DCC: variants seen among roughly 807,000 people sequenced by gnomAD.
The protein encoded by DCC is netrin receptor DCC.
A neutral mutation model predicts 172.5 loss-of-function variants in DCC; 58 were observed. The ratio of observed to expected loss-of-function variants is 0.34; its 90% CI spans 0.27 to 0.42. The LOEUF (loss-of-function observed/expected upper bound fraction) is 0.42. Among genes scored for constraint, DCC ranks in the 10% least tolerant of loss-of-function variants. The pLI is 1.00. For synonymous variants in DCC, 709 were observed against 644.5 expected, an observed-to-expected ratio of 1.10 and a Z score of -1.52; for missense variants, 1,740 against 1,791.0, an observed-to-expected ratio of 0.97 and a Z score of 0.51.
chr18:52,722,581 T>G (rs1044876297), intron 1 of DCC, among the ~76,000 whole-genome samples: 9 of 152,246 alleles, frequency 5.9e-5, no homozygotes, highest in Non-Finnish European at 1.2e-4. Flanking sequence ...TACTTAAGTC[T>G]TCATCATCTG....
chr18:53,266,496 A>G (rs571238859), intron 12 of DCC, among the ~76,000 whole-genome samples: 17 of 152,310 alleles, frequency 1.1e-4, no homozygotes, highest in Admixed American at 7.2e-4. Flanking sequence ...ACTCAACCCA[A>G]TGCCTTTGAT....
At chr18:52,417,856 C>A (rs1426276446) in intron 1 of DCC, among the ~76,000 whole-genome samples, 1 of 152,186 alleles carries the variant, frequency 6.6e-6, no homozygotes, top group Non-Finnish European at 1.5e-5. Context: ...TCGTCTGAAG[C>A]CTTCTTCTCT....
At chr18:52,978,375 C>T (rs1025330517) in intron 5 of DCC, among the ~76,000 whole-genome samples, 2 of 152,120 alleles carry the variant, frequency 1.3e-5, no homozygotes, top group African/African-American at 4.8e-5. Flanking sequence ...AACAAACTGA[C>T]ACTCTGCAGG....
At chr18:52,748,770 C>T (rs1205553816) in intron 1 of DCC, among the ~76,000 whole-genome samples, 2 of 152,232 alleles carry the variant, frequency 1.3e-5, no homozygotes, top group Non-Finnish European at 2.9e-5. Flanking sequence ...AGTGACAGAA[C>T]ATCTCTGGGC....
intron 5 of DCC, among the ~76,000 whole-genome samples, chr18:52,946,378 C>T (rs944837066): frequency 2.0e-5 from 3 of 152,178 alleles, no homozygotes; most frequent in African/African-American, 7.2e-5. Flanking sequence ...GGTAGAGAAG[C>T]ATACTTCCTA....
chr18:53,388,376 C>T (rs951998445), intron 16 of DCC, among the ~76,000 whole-genome samples: 12 of 152,218 alleles, frequency 7.9e-5, no homozygotes, highest in Non-Finnish European at 4.4e-5. Flanking sequence ...TATCTCTAAG[C>T]TTCTGCAAAG....
chr18:53,096,158 TAATA>T (rs547099139), intron 7 of DCC, among the ~76,000 whole-genome samples: 9 of 151,802 alleles, frequency 5.9e-5, no homozygotes, highest in African/African-American at 9.7e-5. Flanking sequence ...AGTATAGTAA[TAATA>T]AATAAATAAA....
At chr18:53,277,955 G>C (rs1162051442) in intron 12 of DCC, among the ~76,000 whole-genome samples, 1 of 152,118 alleles carries the variant, frequency 6.6e-6, no homozygotes, top group Non-Finnish European at 1.5e-5. Context: ...GCTGTTATTT[G>C]ATAAATAATA....
At chr18:52,985,281 A>G (rs1313456665) in intron 5 of DCC, among the ~76,000 whole-genome samples, 1 of 151,402 alleles carries the variant, frequency 6.6e-6, no homozygotes, top group African/African-American at 2.5e-5. Flanking sequence ...AAGGTATTTG[A>G]AAAAATGTTT....
At chr18:53,003,930 A>T (rs549715153) in intron 5 of DCC, among the ~76,000 whole-genome samples, 2 of 152,114 alleles carry the variant, frequency 1.3e-5, no homozygotes, top group Non-Finnish European at 2.9e-5. Flanking sequence ...CAGGCTTTTA[A>T]TTTTTTTGTA....
intron 1 of DCC, among the ~76,000 whole-genome samples, chr18:52,635,391 T>C (rs1231907263): frequency 1.3e-5 from 2 of 152,170 alleles, no homozygotes; most frequent in African/African-American, 2.4e-5. Context: ...ATTTACCTTT[T>C]AGAAATATAA....
intron 2 of DCC, among the ~76,000 whole-genome samples, chr18:52,788,898 G>T (rs748762889): frequency 2.6e-5 from 4 of 152,136 alleles, no homozygotes; most frequent in Non-Finnish European, 5.9e-5. Flanking sequence ...ATTTTACCAT[G>T]CATTTCATTG....
chr18:53,361,244 G>A (rs912202761), intron 15 of DCC, among the ~76,000 whole-genome samples: 42 of 152,108 alleles, frequency 2.8e-4, no homozygotes, highest in African/African-American at 8.2e-4. Context: ...AGTTTTGGAC[G>A]TTTGGACTTC....
At chr18:52,450,286 G>A (rs925343662) in intron 1 of DCC, among the ~76,000 whole-genome samples, 1 of 152,082 alleles carries the variant, frequency 6.6e-6, no homozygotes, top group Non-Finnish European at 1.5e-5. Context: ...AGTTGGTCAG[G>A]GAATAATTGC....
intron 24 of DCC, among the ~76,000 whole-genome samples, chr18:53,467,669 T>C (rs1437197283): frequency 1.3e-5 from 2 of 152,232 alleles, no homozygotes; most frequent in African/African-American, 4.8e-5. Context: ...GCAAAAATTA[T>C]AAGCATCAAA....
At chr18:52,840,663 G>A (rs568864407) in intron 2 of DCC, among the ~76,000 whole-genome samples, 13 of 152,226 alleles carry the variant, frequency 8.5e-5, no homozygotes, top group South Asian at 6.2e-4. Context: ...AACTGCTCAC[G>A]CAGGGCCTAA....
chr18:53,402,417 T>TA (rs1909364302), intron 18 of DCC, among the ~76,000 whole-genome samples: 1 of 151,322 alleles, frequency 6.6e-6, no homozygotes, highest in Non-Finnish European at 1.5e-5. Context: ...AATAAATAAA[T>TA]AATAAACTAG....
intron 5 of DCC, among the ~76,000 whole-genome samples, chr18:52,957,667 T>C (rs1464739937): frequency 6.6e-6 from 1 of 151,990 alleles, no homozygotes; most frequent in Non-Finnish European, 1.5e-5. Flanking sequence ...CCACTGTGGG[T>C]TTTCAGGAAG....
intron 1 of DCC, among the ~76,000 whole-genome samples, chr18:52,741,172 T>C (rs2036816941): frequency 6.6e-6 from 1 of 152,244 alleles, no homozygotes; most frequent in African/African-American, 2.4e-5. Flanking sequence ...CTTTTCTTTT[T>C]TGAGCTACGC....
Sources: gnomAD v4.1 joint callset for allele counts (sites outside exome capture counted in the v4.1 genomes callset) on GRCh38, gnomAD v4.1.1 for gene constraint, MANE v1.5 for transcripts, NCBI Gene and HGNC (gene_info 2026-07-23, HGNC 2026-07-21) for gene names.